IMPG1: variants seen among roughly 807,000 people sequenced by gnomAD.
The protein encoded by IMPG1 is interphotoreceptor matrix proteoglycan of 150 kDa.
In IMPG1, 85 loss-of-function variants were observed where a neutral mutation model predicts 92.0. That is an observed-to-expected ratio of 0.92 (90% CI 0.78 to 1.11). IMPG1 has a LOEUF of 1.11. IMPG1 is among the 50% of genes least tolerant of loss of function. The pLI is 0.00. For synonymous variants in IMPG1, 367 were observed against 334.1 expected (o/e 1.10, Z -1.08); for missense variants, 1,022 against 956.0 (o/e 1.07, Z -0.91).
chr6:76,010,652 G>T (rs992282935), intron 8 of IMPG1, among the ~76,000 whole-genome samples: 2 of 152,072 alleles, frequency 1.3e-5, no homozygotes. Flanking sequence ...AGAATGTCTT[G>T]CTTATGCTCC....
Position 75,954,373 on chromosome 6 carries a change from G to A in IMPG1, c.1292-3279C>T, listed in dbSNP as rs142611807. 6.1e-4 allele frequency among the ~76,000 whole-genome samples: 93 copies of A among 152,258 alleles called. No individual in the cohort carries two copies. In the Middle Eastern group the frequency reaches 0.01, roughly 17 times the overall value. ...TTTCTCTAATGACCAGTGATGATGA[G>A]CTTTTTTTCATATGTTTGTTGGCCG... On this transcript the variant is annotated intron_variant, in intron 12 of 16. Coordinates refer to ENST00000369950, the MANE Select transcript of IMPG1 (RefSeq NM_001563.4).
intron 12 of IMPG1, among the ~76,000 whole-genome samples, chr6:75,963,998 T>C (rs539360790): frequency 1.2e-4 from 18 of 152,194 alleles, no homozygotes; most frequent in African/African-American, 3.9e-4. Flanking sequence ...GGGCACACAA[T>C]AGACTAAGCA....
At chr6:75,972,369 C>T (rs1035699240) in intron 12 of IMPG1, among the ~76,000 whole-genome samples, 1 of 152,140 alleles carries the variant, frequency 6.6e-6, no homozygotes, top group African/African-American at 2.4e-5. Flanking sequence ...CAGAAAATAG[C>T]TACCAAGAAC....
intron 12 of IMPG1, among the ~76,000 whole-genome samples, chr6:75,974,380 TTTC>T (rs1176272196): frequency 0.01 from 779 of 76,236 alleles, 25 homozygotes; most frequent in African/African-American, 0.03. Flanking sequence ...TCTTTCTTTC[TTTC>T]TTTCTTTCTT....
At chr6:76,037,312 A>G (rs1783758402) in intron 2 of IMPG1, among the ~76,000 whole-genome samples, 1 of 152,180 alleles carries the variant, frequency 6.6e-6, no homozygotes, top group African/African-American at 2.4e-5. Context: ...AGAACCTTCA[A>G]GGTAATTGAT....
intron 12 of IMPG1, among the ~76,000 whole-genome samples, chr6:75,958,112 G>C (rs1353904431): frequency 6.6e-6 from 1 of 152,104 alleles, no homozygotes; most frequent in Non-Finnish European, 1.5e-5. Context: ...CTCAATATTT[G>C]CTTGTCTGTA....
Position 75,933,914 on chromosome 6 carries a change from G to A in IMPG1, c.2045-2763C>T, listed in dbSNP as rs184089611. 5.9e-5 allele frequency among the ~76,000 whole-genome samples: 9 copies of A among 152,266 alleles called. No homozygotes were observed. In the East Asian group the frequency reaches 1.7e-3, roughly 29 times the overall value. ...GGATATTGCCGACATCATTTTCATCGGTGAGAAAACGGAAGCCCATTTTAG... is the reference window on the plus strand; with the variant it reads ...GGATATTGCCGACATCATTTTCATCAGTGAGAAAACGGAAGCCCATTTTAG... On this transcript the variant is annotated intron_variant, in intron 14 of 16. Transcript: ENST00000369950.
chr6:76,004,778 T>A (rs1023875914), intron 10 of IMPG1, among the ~76,000 whole-genome samples: 1 of 152,130 alleles, frequency 6.6e-6, no homozygotes, highest in Admixed American at 6.6e-5. Flanking sequence ...GCATACAACA[T>A]TAGGCAACAC....
At position 76,041,515 on chromosome 6, in the gene IMPG1, T is replaced by C. The variant is rs1234712994; in HGVS notation, c.301+378A>G. ...GAAAAATGAAATCTTAAGTCATGAA[T>C]CAATTTGCTTAGATTCCTGACATTG... On this transcript the variant is annotated intron_variant, in intron 2 of 16. Transcript: ENST00000369950. Among the ~76,000 whole-genome samples the C allele has an allele frequency of 2.0e-5, 3 of 152,186 alleles. No homozygotes were observed. The East Asian group carries it at 5.8e-4, about 29-fold the overall frequency.
chr6:75,982,146 A>G (rs954545550), intron 12 of IMPG1, among the ~76,000 whole-genome samples: 14 of 152,150 alleles, frequency 9.2e-5, no homozygotes, highest in African/African-American at 3.4e-4. Flanking sequence ...GCTTTATAGG[A>G]TATATTGTAG....
At chr6:75,954,653 A>T (rs1205738425) in intron 12 of IMPG1, among the ~76,000 whole-genome samples, 1 of 152,088 alleles carries the variant, frequency 6.6e-6, no homozygotes, top group Non-Finnish European at 1.5e-5. Flanking sequence ...TTTTGTTGCG[A>T]TTGCTTTGGG....
intron 1 of IMPG1, among the ~76,000 whole-genome samples, chr6:76,065,981 T>C (rs1784302605): frequency 6.6e-6 from 1 of 152,124 alleles, no homozygotes; most frequent in Non-Finnish European, 1.5e-5. Flanking sequence ...AAACTAAGTT[T>C]CATAAATGAA....
At chr6:75,949,957 T>C (rs1244034730) in intron 13 of IMPG1, among the ~76,000 whole-genome samples, 2 of 152,178 alleles carry the variant, frequency 1.3e-5, no homozygotes, top group African/African-American at 2.4e-5. Flanking sequence ...ACATTTCTTA[T>C]TGTATATGTA....
At chr6:75,987,081 G>C (rs1209660150) in intron 12 of IMPG1, among the ~76,000 whole-genome samples, 2 of 152,140 alleles carry the variant, frequency 1.3e-5, no homozygotes, top group African/African-American at 4.8e-5. Flanking sequence ...ATATTGAATA[G>C]GGCAGTTAAG....
intron 15 of IMPG1, 134 bp from the exon 16 acceptor site, chr6:75,923,840 C>G (rs895701644): frequency 3.5e-6 from 2 of 572,442 alleles, no homozygotes; most frequent in Admixed American, 3.6e-5. Context: ...CAGGTGTCTT[C>G]CGTTTGAGTT....
chr6:76,035,499 C>CAAAAAAAAAAAAAAAAAAAAAAAAAA (rs34929063), intron 2 of IMPG1, among the ~76,000 whole-genome samples: 1 of 62,170 alleles, frequency 1.6e-5, no homozygotes, highest in Non-Finnish European at 3.0e-5. Context: ...AACTCCGTCT[C>CAAAAAAAAAAAAAAAAAAAAAAAAAA]AAAAAAAAAA....
intron 15 of IMPG1, among the ~76,000 whole-genome samples, chr6:75,929,595 T>C (rs1266681797): frequency 6.7e-6 from 1 of 150,318 alleles, no homozygotes. Flanking sequence ...ATATACCTAA[T>C]GCTAAATGAT....
At chr6:76,000,288 A>T (rs1782965905) in intron 12 of IMPG1, among the ~76,000 whole-genome samples, 1 of 152,346 alleles carries the variant, frequency 6.6e-6, no homozygotes, top group African/African-American at 2.4e-5. Flanking sequence ...AACTTATAAC[A>T]CATAAAATTA....
At chr6:75,957,857 C>T (rs989108966) in intron 12 of IMPG1, among the ~76,000 whole-genome samples, 1 of 152,112 alleles carries the variant, frequency 6.6e-6, no homozygotes, top group African/African-American at 2.4e-5. Flanking sequence ...GAATCTTTAT[C>T]CAATTTGTCA....
Sources: gnomAD v4.1 joint callset for allele counts (sites outside exome capture counted in the v4.1 genomes callset) on GRCh38, gnomAD v4.1.1 for gene constraint, MANE v1.5 for transcripts, NCBI Gene and HGNC (gene_info 2026-07-23, HGNC 2026-07-21) for gene names.